The following GNL2 variants were observed in gnomAD, a reference collection of about 807,000 sequenced individuals.
GNL2 encodes G protein nucleolar 2.
In GNL2, 51 loss-of-function variants were observed where a neutral mutation model predicts 92.3. That is an observed-to-expected ratio of 0.55 (90% CI 0.44 to 0.70). The LOEUF is 0.70. GNL2 is among the 30% of genes least tolerant of loss of function. The pLI, the probability that GNL2 is intolerant of heterozygous loss-of-function variation, is 0.00. For missense variants in GNL2, 844 were observed against 895.6 expected, an observed-to-expected ratio of 0.94 and a Z score of 0.74; for synonymous variants, 283 against 300.6, an observed-to-expected ratio of 0.94 and a Z score of 0.61.
In GNL2 at chr1:37,592,939, G is replaced by A. The variant is rs1643896643; in HGVS notation, c.150-133C>T. The A allele has an allele frequency of 6.5e-6, 4 of 615,814 alleles. No homozygotes were observed. The South Asian group carries it at 7.5e-5, about 12-fold the overall frequency. 38.1% of individuals were successfully genotyped at this position (615,814 alleles called of 1,614,324 possible). A position where few individuals can be genotyped will look rare whatever the true frequency, so the allele number is the denominator to read the frequency against. ...AAATGATCATGAAATACCAATTCCA[G>A]TAAACACAAAGTACTTCTACATTTG... On this transcript the variant is annotated intron_variant, in intron 2 of 15. Transcript: ENST00000373062.
At chr1:37,572,492 AC>A (rs1643609297) in intron 12 of GNL2, among the ~76,000 whole-genome samples, 1 of 152,232 alleles carries the variant, frequency 6.6e-6, no homozygotes, top group South Asian at 2.1e-4. Flanking sequence ...TGAGTCTATC[AC>A]CAACTGCCAC....
At chr1:37,592,360 T>C (rs558040138) in intron 3 of GNL2, among the ~76,000 whole-genome samples, 3 of 152,314 alleles carry the variant, frequency 2.0e-5, no homozygotes, top group East Asian at 3.9e-4. Context: ...GCACTTACCC[T>C]GAAGGATATA....
intron 5 of GNL2, 21 bp downstream of exon 5, chr1:37,587,286 CAAAG>C (rs1557643908): frequency 2.1e-6 from 3 of 1,450,800 alleles, no homozygotes; most frequent in South Asian, 2.7e-5. Context: ...AAAACAAAAA[CAAAG>C]AAGCAAAAAA....
chr1:37,577,044 C>T (rs1021091865), intron 8 of GNL2, among the ~76,000 whole-genome samples: 3 of 150,188 alleles, frequency 2.0e-5, no homozygotes, highest in African/African-American at 4.9e-5. Context: ...CCTGGGAGGC[C>T]GAAGTTGCAG....
At chr1:37,592,662 T>G in intron 3 of GNL2, 50 bp downstream of exon 3, 1 of 1,016,782 alleles carries the variant, frequency 9.8e-7, no homozygotes, top group South Asian at 1.3e-5. Context: ...CCTAGCCGTT[T>G]CCACTCAGCA....
At chr1:37,586,082 A>G (rs1308460077) in intron 5 of GNL2, among the ~76,000 whole-genome samples, 1 of 152,220 alleles carries the variant, frequency 6.6e-6, no homozygotes, top group Non-Finnish European at 1.5e-5. Flanking sequence ...AACTATACAC[A>G]GTATAAATGT....
At chr1:37,584,898 G>C (rs1643828137) in intron 5 of GNL2, among the ~76,000 whole-genome samples, 1 of 151,774 alleles carries the variant, frequency 6.6e-6, no homozygotes, top group African/African-American at 2.4e-5. Flanking sequence ...TGACCAACAT[G>C]GTGAAACCCT....
intron 8 of GNL2, among the ~76,000 whole-genome samples, chr1:37,577,102 A>G (rs1643689898): frequency 6.6e-6 from 1 of 150,534 alleles, no homozygotes; most frequent in African/African-American, 2.4e-5. Flanking sequence ...CAGAGACTCC[A>G]GTCTCAAAAA....
intron 8 of GNL2, among the ~76,000 whole-genome samples, chr1:37,581,050 G>A (rs1338854378): frequency 2.0e-5 from 3 of 152,106 alleles, no homozygotes; most frequent in Non-Finnish European, 4.4e-5. Context: ...ACCCAACATT[G>A]GCATCTAACA....
chr1:37,588,577 C>CA (rs770970906), intron 4 of GNL2, among the ~76,000 whole-genome samples: 13 of 152,170 alleles, frequency 8.5e-5, no homozygotes, highest in Admixed American at 5.2e-4. Flanking sequence ...AATTATCCTT[C>CA]AAAATCTCTT....
intron 11 of GNL2, 80 bp downstream of exon 11, chr1:37,574,585 C>CA (rs1643647549): frequency 7.0e-7 from 1 of 1,427,528 alleles, no homozygotes; most frequent in South Asian, 1.2e-5. Flanking sequence ...CTCATACATG[C>CA]ATACCAAAAA....
chr1:37,569,386 A>G (rs970807420), intron 12 of GNL2, 84 bp from the exon 13 acceptor site: 23 of 887,698 alleles, frequency 2.6e-5, no homozygotes, highest in Admixed American at 1.8e-4. Context: ...GCTCTTAAAC[A>G]GTCCTCTTCT....
chr1:37,569,251 G>C lies in GNL2; in HGVS notation c.1468C>G (p.Pro490Ala), dbSNP rs1228120764. The C allele has an allele frequency of 4.3e-6, 7 of 1,613,200 alleles. No homozygotes were observed. Among genetic ancestry groups the C allele is most frequent in the Non-Finnish European group, 5.9e-6 (7 of 1,179,962 alleles). ...GCAGTTTCTGTGACTTCCTCCCCTG[G>C]ATTGTTCTGGGCTGCTTCTGGGACA... Reference protein sequence around the residue: ...EVVPEAAQNNPGEEVTETAGE... With the variant: ...EVVPEAAQNNAGEEVTETAGE... Residue 490 changes from proline (P) to alanine (A), a missense_variant, in exon 13 of 16, where the codon CCA becomes GCA. Coordinates refer to ENST00000373062, the MANE Select transcript of GNL2 (RefSeq NM_013285.3).
rs1451688375 is a variant in GNL2, at chr1:37,566,987, C to T, written c.2064G>A (p.Gln688=). 6.2e-7 allele frequency: 1 copy of T among 1,613,652 alleles called. No homozygotes were observed. Among genetic ancestry groups the T allele is most frequent in the South Asian group, 1.1e-5 (1 of 90,918 alleles). ...TSKERRRAVR[Q]QRPKKVGVRY... ...GCACACCAACTTTTTTCGGCCGTTG[C>T]TGTCGTACTGCTCGCCTCCGCTGTA... is the stretch of plus-strand genomic sequence containing the variant. The change falls in exon 16 of 16, where the codon CAG becomes CAA. Residue 688 remains glutamine (Q), a synonymous_variant. Transcript: ENST00000373062.
intron 2 of GNL2, 115 bp downstream of exon 2, chr1:37,593,647 T>C: frequency 1.5e-6 from 1 of 684,026 alleles, no homozygotes; most frequent in Non-Finnish European, 2.6e-6. Context: ...TATTTGAGAA[T>C]ATATAACTCC....
At position 37,583,806 on chromosome 1, in the gene GNL2, C is replaced by A. The variant is rs111584820; in HGVS notation, c.636+61G>T. 1,515 of 986,966 alleles carry A rather than the reference C, an allele frequency of 1.5e-3. 15 individuals carry two copies. The African/African-American group carries it at 0.018, about 12-fold the overall frequency. 61.1% of individuals were successfully genotyped at this position (986,966 alleles called of 1,614,324 possible). On this transcript the variant is annotated intron_variant, in intron 6 of 15. Transcript: ENST00000373062. ...GCTTCAATATATCAAAATTAGTTTT[C>A]TTCTACAAAATCATGAAAGCCCAAG... is the stretch of plus-strand genomic sequence containing the variant.
intron 4 of GNL2, among the ~76,000 whole-genome samples, chr1:37,589,444 A>G (rs1310519583): frequency 6.6e-6 from 1 of 152,106 alleles, no homozygotes; most frequent in Non-Finnish European, 1.5e-5. Flanking sequence ...AGCTGGGACT[A>G]CAGGTGCCCG....
intron 4 of GNL2, among the ~76,000 whole-genome samples, chr1:37,590,476 G>C (rs1643881246): frequency 6.6e-6 from 1 of 152,184 alleles, no homozygotes; most frequent in South Asian, 2.1e-4. Flanking sequence ...GGAAGGGATA[G>C]AGCAAGGATT....
At chr1:37,573,960 T>G (rs1327764470) in intron 12 of GNL2, among the ~76,000 whole-genome samples, 2 of 152,160 alleles carry the variant, frequency 1.3e-5, no homozygotes, top group African/African-American at 4.8e-5. Context: ...AGTGGCACGA[T>G]CTCGGCTCAC....
Sources: gnomAD v4.1 joint callset for allele counts (sites outside exome capture counted in the v4.1 genomes callset) on GRCh38, gnomAD v4.1.1 for gene constraint, MANE v1.5 for transcripts, NCBI Gene and HGNC (gene_info 2026-07-23, HGNC 2026-07-21) for gene names.